Variants in KDM4B observed in about 807,000 individuals in gnomAD.
The protein encoded by KDM4B is lysine demethylase 4B, also known as lysine-specific demethylase 4B.
KDM4B carries 32 observed loss-of-function variants against 125.2 expected under a neutral mutation model. That is an observed-to-expected ratio of 0.26 (90% confidence interval 0.19 to 0.34). The LOEUF (loss-of-function observed/expected upper bound fraction) is 0.34, where lower values mean the gene tolerates loss of function less well. Ranked by LOEUF, KDM4B falls within the 10% of genes least tolerant of loss-of-function variation. The probability of loss-of-function intolerance (pLI) is 1.00; values close to 1 mark genes in which losing one functional copy is unlikely to be tolerated. For synonymous variants in KDM4B, 721 were observed against 677.9 expected, an observed-to-expected ratio of 1.06 and a Z score of -0.99; for missense variants, 1,190 against 1,577.7, an observed-to-expected ratio of 0.75 and a Z score of 4.16.
In KDM4B at chr19:5,001,692, C is replaced by T. The variant is rs572077201; in HGVS notation, c.-108-14565C>T. Reference sequence around the variant, plus strand: ...GTAAGTCCTGTTCCGCCAGCTGTGTCGTCTGGGAGGGCCTGGTTCCCCTGC... The same window carrying T: ...GTAAGTCCTGTTCCGCCAGCTGTGTTGTCTGGGAGGGCCTGGTTCCCCTGC... On this transcript the variant is annotated intron_variant, in intron 1 of 22. Coordinates refer to ENST00000159111, the MANE Select transcript of KDM4B (RefSeq NM_015015.3). Among the ~76,000 whole-genome samples, 81 of 151,306 alleles carry T rather than the reference C, an allele frequency of 5.4e-4. 1 individual carries two copies. Among genetic ancestry groups the T allele is most frequent in the African/African-American group, 1.7e-3 (69 of 40,610 alleles).
intron 2 of KDM4B, among the ~76,000 whole-genome samples, chr19:5,029,283 G>A (rs2036376932): frequency 6.6e-6 from 1 of 152,214 alleles, no homozygotes; most frequent in Non-Finnish European, 1.5e-5. Context: ...GCGTGGCGCC[G>A]TTGTGAGCAT....
chr19:4,985,401 A>C (rs759688670), intron 1 of KDM4B, among the ~76,000 whole-genome samples: 15 of 151,944 alleles, frequency 9.9e-5, no homozygotes. Flanking sequence ...TGAGCTTCCG[A>C]GGTCTCTGCT....
chr19:5,135,796 A>G (rs559142409), intron 15 of KDM4B, among the ~76,000 whole-genome samples: 4 of 152,320 alleles, frequency 2.6e-5, no homozygotes, highest in Non-Finnish European at 5.9e-5. Context: ...TGGCCATGGA[A>G]GGGCTGGATG....
chr19:5,148,551 G>T (rs2039891031), intron 21 of KDM4B, among the ~76,000 whole-genome samples: 1 of 152,222 alleles, frequency 6.6e-6, no homozygotes, highest in Non-Finnish European at 1.5e-5. Flanking sequence ...ACGCCTGCCA[G>T]AAGCCGAGAG....
chr19:5,042,425 G>A (rs577560507), intron 5 of KDM4B, among the ~76,000 whole-genome samples: 71 of 152,100 alleles, frequency 4.7e-4, no homozygotes, highest in Non-Finnish European at 8.4e-4. Context: ...GCTTGAACCC[G>A]GGAGGTGGAG....
At chr19:5,116,148 C>T (rs1297573426) in intron 10 of KDM4B, among the ~76,000 whole-genome samples, 1 of 150,338 alleles carries the variant, frequency 6.7e-6, no homozygotes, top group African/African-American at 2.5e-5. Flanking sequence ...TGCCTGTGAT[C>T]CCAGCACTAT....
chr19:5,144,706 G>T (rs949263107), intron 20 of KDM4B, 77 bp from the exon 21 acceptor site: 11 of 1,577,094 alleles, frequency 7.0e-6, no homozygotes, highest in Non-Finnish European at 9.5e-6. Context: ...TTGCCAGCGC[G>T]GAGAGGGTCT....
At position 5,053,530 on chromosome 19, in the gene KDM4B, G is replaced by T. The variant is rs868610420; in HGVS notation, c.626+5861G>T. ...TCAGGAGCCAAGGCAGCTTGCTCAG[G>T]GCCCAGGTTCCTGCCCGCCAAGGCC... On this transcript the variant is annotated intron_variant, in intron 6 of 22. Transcript: ENST00000159111. Among the ~76,000 whole-genome samples, 7 of 152,168 alleles carry T rather than the reference G, an allele frequency of 4.6e-5. No homozygotes were observed. The South Asian group carries it at 6.2e-4, about 14-fold the overall frequency.
chr19:5,110,385 T>C (rs2039116059), intron 9 of KDM4B, among the ~76,000 whole-genome samples: 1 of 151,776 alleles, frequency 6.6e-6, no homozygotes, highest in South Asian at 2.1e-4. Flanking sequence ...GGCGGGAGAA[T>C]CGCTTGAGCC....
chr19:5,077,491 C>T (rs1216487201), intron 8 of KDM4B, 21 bp downstream of exon 8: 1 of 1,593,206 alleles, frequency 6.3e-7, no homozygotes, highest in Middle Eastern at 1.7e-4. Flanking sequence ...GTGGGGCCTG[C>T]ACGCCTGTGG....
intron 9 of KDM4B, among the ~76,000 whole-genome samples, chr19:5,109,283 C>T (rs1481669350): frequency 6.6e-6 from 1 of 152,204 alleles, no homozygotes; most frequent in East Asian, 1.9e-4. Flanking sequence ...CTGGCCGCCT[C>T]CTGGGATCTG....
chr19:4,986,247 C>T (rs1003881623), intron 1 of KDM4B, among the ~76,000 whole-genome samples: 7 of 152,188 alleles, frequency 4.6e-5, no homozygotes, highest in Admixed American at 2.0e-4. Context: ...TTCGGGGCAG[C>T]GCTTGGTTTG....
intron 11 of KDM4B, among the ~76,000 whole-genome samples, chr19:5,128,642 C>T (rs945518275): frequency 2.6e-5 from 4 of 152,190 alleles, no homozygotes; most frequent in East Asian, 3.8e-4. Context: ...CTGCAGCCTC[C>T]CCGGGCTGCT....
intron 2 of KDM4B, among the ~76,000 whole-genome samples, chr19:5,030,518 G>C (rs1432894053): frequency 2.0e-5 from 3 of 152,220 alleles, no homozygotes; most frequent in Admixed American, 2.0e-4. Flanking sequence ...CCTGGGAGCT[G>C]ATGGCCCTTG....
At chr19:5,046,728 C>T (rs528978388) in intron 5 of KDM4B, among the ~76,000 whole-genome samples, 2 of 152,346 alleles carry the variant, frequency 1.3e-5, no homozygotes, top group African/African-American at 2.4e-5. Flanking sequence ...TTCGTCTCCT[C>T]GGTCAGAAGC....
At chr19:4,973,981 T>A (rs548215013) in intron 1 of KDM4B, among the ~76,000 whole-genome samples, 6 of 150,470 alleles carry the variant, frequency 4.0e-5, no homozygotes, top group Non-Finnish European at 7.4e-5. Flanking sequence ...AATAAAAAAA[T>A]TAACTGGGCG....
Position 5,071,056 on chromosome 19 carries a change from A to C in KDM4B, c.673A>C (p.Ile225Leu). Residue 225 changes from isoleucine (I) to leucine (L), a missense_variant, in exon 7 of 23, where the codon ATC (isoleucine) becomes CTC (leucine). By Grantham distance (5) the Ile-to-Leu change is conservative (BLOSUM62 2). Around this residue, in one of 7 missense-constraint regions of KDM4B, gnomAD observed 75 missense variants for 218.2 expected, o/e 0.34. Transcript: ENST00000159111. ...CGGCAAGCGCCTGGAGCGGCTGGCCATCGGTAGGTGCCTGCCCTGAGGGCC... is the reference window on the plus strand; with the variant it reads ...CGGCAAGCGCCTGGAGCGGCTGGCCCTCGGTAGGTGCCTGCCCTGAGGGCC... ...EHGKRLERLA[I>L]GFFPGSSQGC... The C allele has an allele frequency of 6.2e-7, 1 of 1,612,958 alleles. No homozygotes were observed.
intron 2 of KDM4B, among the ~76,000 whole-genome samples, chr19:5,023,569 C>G (rs2145573176): frequency 6.6e-6 from 1 of 152,234 alleles, no homozygotes; most frequent in South Asian, 2.1e-4. Flanking sequence ...GATGGCAGCA[C>G]AGGGGCTGGA....
intron 11 of KDM4B, among the ~76,000 whole-genome samples, chr19:5,124,592 TCTTTTC>T (rs1232960961): frequency 6.6e-6 from 1 of 152,168 alleles, no homozygotes; most frequent in Non-Finnish European, 1.5e-5. Context: ...GACTGTGGCT[TCTTTTC>T]CTTTTCCTTT....
Sources: gnomAD v4.1 joint callset for allele counts (sites outside exome capture counted in the v4.1 genomes callset) on GRCh38, gnomAD v4.1.1 for gene constraint, gnomAD v4.1.1 regional missense constraint, MANE v1.5 for transcripts, NCBI Gene and HGNC (gene_info 2026-07-23, HGNC 2026-07-21) for gene names.